TMIGD3: variants seen among roughly 807,000 people sequenced by gnomAD.
The protein encoded by TMIGD3 is transmembrane and immunoglobulin domain containing 3, also known as AD026 protein (AD026).
TMIGD3 carries 21 observed loss-of-function variants against 28.1 expected under a neutral mutation model. The ratio of observed to expected loss-of-function variants is 0.75; its 90% CI spans 0.53 to 1.08. The LOEUF (loss-of-function observed/expected upper bound fraction) is 1.08, where lower values mean the gene tolerates loss of function less well. Ranked by LOEUF, TMIGD3 falls within the 50% of genes least tolerant of loss-of-function variation. The probability of loss-of-function intolerance (pLI) is 0.00; values close to 1 mark genes in which losing one functional copy is unlikely to be tolerated. For synonymous variants in TMIGD3, 151 were observed against 162.1 expected, an observed-to-expected ratio of 0.93 and a Z score of 0.52; for missense variants, 416 against 435.6, an observed-to-expected ratio of 0.96 and a Z score of 0.40.
chr1:111,547,195 C>A (rs2800895), intron 1 of TMIGD3, among the ~76,000 whole-genome samples: 50,406 of 151,760 alleles, frequency 0.33, 9,100 homozygotes, highest in Admixed American at 0.46. Flanking sequence ...AAATTTTCAA[C>A]CTTTCACCAT....
intron 1 of TMIGD3, among the ~76,000 whole-genome samples, chr1:111,549,605 A>ATGCCAC (rs1227498499): frequency 6.6e-6 from 1 of 150,836 alleles, no homozygotes; most frequent in Non-Finnish European, 1.5e-5. Flanking sequence ...AGCCGATATC[A>ATGCCAC]TGCCACTGCA....
At chr1:111,506,619 T>C (rs1423999940), upstream of TMIGD3, among the ~76,000 whole-genome samples, 1 of 152,062 alleles carries the variant, frequency 6.6e-6, no homozygotes, top group Non-Finnish European at 1.5e-5. Context: ...CTTTCAAAAG[T>C]ACAAGGAGTC....
intron 1 of TMIGD3, among the ~76,000 whole-genome samples, chr1:111,524,047 T>G (rs374471623): frequency 2.2e-3 from 289 of 130,288 alleles, no homozygotes; most frequent in Middle Eastern, 4.2e-3. Flanking sequence ...TTTTTTTTTT[T>G]GGGATGGAAT....
At chr1:111,550,193 T>C (rs934102470) in intron 1 of TMIGD3, among the ~76,000 whole-genome samples, 1 of 152,194 alleles carries the variant, frequency 6.6e-6, no homozygotes, top group African/African-American at 2.4e-5. Context: ...CATTCCTGAT[T>C]TTCGTAATTT....
intron 2 of TMIGD3, 121 bp from the exon 3 acceptor site, chr1:111,489,145 C>A: frequency 9.9e-7 from 1 of 1,006,688 alleles, no homozygotes; most frequent in Non-Finnish European, 1.4e-6. Flanking sequence ...TGATTTTTGC[C>A]TCTTTTTGAT....
At chr1:111,544,243 TA>T (rs1656954937) in intron 1 of TMIGD3, among the ~76,000 whole-genome samples, 1 of 152,206 alleles carries the variant, frequency 6.6e-6, no homozygotes, top group Non-Finnish European at 1.5e-5. Flanking sequence ...AAATCCACAT[TA>T]CATAAAATTC....
At chr1:111,500,208 A>G in intron 1 of TMIGD3, 1 of 1,614,200 alleles carries the variant, frequency 6.2e-7, no homozygotes, top group South Asian at 1.1e-5. Context: ...AAAGAACCAG[A>G]AACAAGGACT....
chr1:111,526,440 G>A (rs900715647), intron 1 of TMIGD3, among the ~76,000 whole-genome samples: 3 of 152,136 alleles, frequency 2.0e-5, no homozygotes, highest in Admixed American at 2.0e-4. Context: ...AGAAGGACTT[G>A]TTTGCTTCCC....
intron 1 of TMIGD3, among the ~76,000 whole-genome samples, chr1:111,491,519 G>A (rs1654663155): frequency 6.6e-6 from 1 of 152,204 alleles, no homozygotes; most frequent in Non-Finnish European, 1.5e-5. Flanking sequence ...ATCCCATCAA[G>A]GGTCATACAT....
intron 1 of TMIGD3, among the ~76,000 whole-genome samples, chr1:111,492,745 C>T (rs1176711598): frequency 2.7e-5 from 4 of 146,044 alleles, no homozygotes; most frequent in South Asian, 4.4e-4. Context: ...ACCCGGGAGG[C>T]GGAGGTTGCA....
intron 1 of TMIGD3, among the ~76,000 whole-genome samples, chr1:111,516,305 G>A (rs912556102): frequency 6.6e-6 from 1 of 152,208 alleles, no homozygotes; most frequent in Non-Finnish European, 1.5e-5. Context: ...CAGTCAGGAG[G>A]AGGAACTTGT....
intron 1 of TMIGD3, chr1:111,563,841 C>A: frequency 1.2e-6 from 2 of 1,610,790 alleles, no homozygotes; most frequent in Non-Finnish European, 8.5e-7. Context: ...TCTGCTATGA[C>A]TCACTGTGAC....
chr1:111,535,145 C>T (rs1656595914), intron 1 of TMIGD3, among the ~76,000 whole-genome samples: 1 of 152,178 alleles, frequency 6.6e-6, no homozygotes, highest in Non-Finnish European at 1.5e-5. Context: ...ATTGAGGATT[C>T]AATGAATTAA....
chr1:111,521,440 G>A (rs1656058022), intron 1 of TMIGD3, among the ~76,000 whole-genome samples: 1 of 152,090 alleles, frequency 6.6e-6, no homozygotes, highest in South Asian at 2.1e-4. Context: ...ACCTGTGCTT[G>A]GAATGGTCAG....
intron 1 of TMIGD3, among the ~76,000 whole-genome samples, chr1:111,563,058 G>A (rs1392748825): frequency 2.0e-5 from 3 of 152,162 alleles, no homozygotes; most frequent in Non-Finnish European, 4.4e-5. Context: ...GGCTTAAAGA[G>A]AGTAAGCAGC....
chr1:111,513,108 G>A lies in TMIGD3; in HGVS notation c.108-22346C>T, dbSNP rs116668708. Among the ~76,000 whole-genome samples the A allele has an allele frequency of 7.9e-3, 1,207 of 152,316 alleles. 11 individuals carry two copies. The highest frequency in any genetic ancestry group is 0.027 in the African/African-American group (1,127 of 41,562). The stretch of plus-strand genomic sequence containing the variant: ...AGTCTTCCAGGTCACCAGCCCCCAA[G>A]AGCCACCCAGGCCACCTCAGTTGCT... On this transcript the variant is annotated intron_variant, in intron 1 of 5. Coordinates refer to the TMIGD3 transcript ENST00000369717.
intron 1 of TMIGD3, among the ~76,000 whole-genome samples, chr1:111,493,461 C>A (rs1023047524): frequency 2.6e-5 from 4 of 152,162 alleles, no homozygotes; most frequent in African/African-American, 9.7e-5. Context: ...TGGGTGGAAG[C>A]AGCATGAGGC....
intron 1 of TMIGD3, chr1:111,500,919 T>C (rs1655141977): frequency 3.1e-6 from 1 of 326,058 alleles, no homozygotes; most frequent in Admixed American, 5.6e-5. Context: ...TCTTTTCTTT[T>C]TCTTTTTTTT....
chr1:111,512,569 G>A (rs1379393128), intron 1 of TMIGD3, among the ~76,000 whole-genome samples: 1 of 152,216 alleles, frequency 6.6e-6, no homozygotes, highest in Non-Finnish European at 1.5e-5. Context: ...ACAGCAGTTA[G>A]CACAGCACTT....
Sources: allele counts gnomAD v4.1 joint callset (sites outside exome capture counted in the v4.1 genomes callset), GRCh38; gene constraint gnomAD v4.1.1; transcripts MANE v1.5; gene names NCBI Gene and HGNC (gene_info 2026-07-23, HGNC 2026-07-21).